Variants in ROBO1 observed in about 807,000 individuals in gnomAD.
ROBO1 encodes roundabout homolog 1.
Under a neutral mutation model 195.9 loss-of-function variants are expected in ROBO1, and 149 were observed. The observed-to-expected ratio is 0.76, with a 90% CI of 0.67 to 0.87. ROBO1 has a LOEUF of 0.87. Ranked by LOEUF, ROBO1 falls within the 40% of genes least tolerant of loss-of-function variation. ROBO1 has a pLI of 0.00. For missense variants in ROBO1, 1,933 were observed against 2,068.3 expected, an observed-to-expected ratio of 0.93 and a Z score of 1.27; for synonymous variants, 816 against 733.2, an observed-to-expected ratio of 1.11 and a Z score of -1.82.
At chr3:78,662,244 GA>G (rs11359455) in intron 14 of ROBO1, 130 bp from the exon 15 acceptor site, 207,421 of 422,978 alleles carry the variant, frequency 0.49, 28,838 homozygotes, top group Admixed American at 0.61. Context: ...CTGTGATTCG[GA>G]AAAAAAAAAA....
chr3:78,714,347 T>C, intron 8 of ROBO1, 50 bp downstream of exon 8: 2 of 1,577,768 alleles, frequency 1.3e-6, no homozygotes, highest in Non-Finnish European at 1.7e-6. Flanking sequence ...TTATCAGCAC[T>C]ATATTTTGTA....
chr3:79,428,867 A>G (rs2038560994), intron 2 of ROBO1, among the ~76,000 whole-genome samples: 1 of 152,126 alleles, frequency 6.6e-6, no homozygotes, highest in African/African-American at 2.4e-5. Flanking sequence ...AAAAAAAATC[A>G]GAAAGAAAAA....
At chr3:79,537,608 A>G (rs976184584) in intron 2 of ROBO1, among the ~76,000 whole-genome samples, 2 of 152,082 alleles carry the variant, frequency 1.3e-5, no homozygotes, top group Non-Finnish European at 2.9e-5. Context: ...AGCTCGTCCA[A>G]TCCACGACCT....
chr3:78,938,369 A>G (rs1159589122), intron 4 of ROBO1: 4 of 449,580 alleles, frequency 8.9e-6, no homozygotes, highest in African/African-American at 7.9e-5. Flanking sequence ...AATCACTCCC[A>G]ATCAAAAGTC....
At chr3:78,776,615 T>G (rs1340776194) in intron 4 of ROBO1, among the ~76,000 whole-genome samples, 1 of 152,316 alleles carries the variant, frequency 6.6e-6, no homozygotes, top group East Asian at 1.9e-4. Flanking sequence ...ATTCCATAAA[T>G]AACAAATAAA....
chr3:78,699,082 C>T (rs921082406), intron 8 of ROBO1, among the ~76,000 whole-genome samples: 40 of 152,234 alleles, frequency 2.6e-4, no homozygotes, highest in African/African-American at 9.4e-4. Flanking sequence ...TGGAAATACA[C>T]AATCAACCAG....
At chr3:78,686,177 A>G (rs1057515109) in intron 9 of ROBO1, among the ~76,000 whole-genome samples, 16 of 152,124 alleles carry the variant, frequency 1.1e-4, no homozygotes, top group African/African-American at 3.9e-4. Context: ...TCTAACCTCA[A>G]ATAGGGTCAT....
chr3:79,263,671 A>C (rs2082981618), intron 2 of ROBO1, among the ~76,000 whole-genome samples: 1 of 151,700 alleles, frequency 6.6e-6, no homozygotes, highest in Non-Finnish European at 1.5e-5. Flanking sequence ...TACCAAAATA[A>C]ACTGAGGACT....
intron 2 of ROBO1, among the ~76,000 whole-genome samples, chr3:79,465,766 C>T (rs1160076812): frequency 1.3e-5 from 2 of 151,790 alleles, no homozygotes; most frequent in African/African-American, 2.4e-5. Context: ...TTTTCATGTA[C>T]GTAAATTTTC....
chr3:78,654,575 A>G (rs1473811387), intron 18 of ROBO1, among the ~76,000 whole-genome samples: 4 of 152,174 alleles, frequency 2.6e-5, no homozygotes, highest in African/African-American at 9.7e-5. Flanking sequence ...GATAATATGG[A>G]AACAGCCAAG....
intron 4 of ROBO1, among the ~76,000 whole-genome samples, chr3:78,762,820 T>G (rs540331902): frequency 6.6e-6 from 1 of 152,208 alleles, no homozygotes; most frequent in African/African-American, 2.4e-5. Context: ...AAAATGATAT[T>G]ATTTCTCTTT....
chr3:79,310,577 G>A (rs1056402765), intron 2 of ROBO1, among the ~76,000 whole-genome samples: 2 of 152,014 alleles, frequency 1.3e-5, no homozygotes, highest in African/African-American at 4.8e-5. Context: ...CTGTAAGTAG[G>A]GTGGTTATAG....
intron 2 of ROBO1, among the ~76,000 whole-genome samples, chr3:79,414,005 C>G (rs1470643409): frequency 6.6e-6 from 1 of 152,102 alleles, no homozygotes. Context: ...AGTCTGTCGA[C>G]CTTTTTATTT....
chr3:79,598,910 G>A (rs893130589), intron 1 of ROBO1, among the ~76,000 whole-genome samples: 2 of 152,058 alleles, frequency 1.3e-5, no homozygotes, highest in Non-Finnish European at 2.9e-5. Context: ...CAGAGGTCCT[G>A]AGCCTGTCCA....
chr3:79,019,784 C>G (rs1304379944), intron 3 of ROBO1, among the ~76,000 whole-genome samples: 1 of 152,106 alleles, frequency 6.6e-6, no homozygotes, highest in Non-Finnish European at 1.5e-5. Flanking sequence ...CCTGGTCCAA[C>G]TTAACCTCTT....
At chr3:78,941,568 G>C (rs2040143810) in intron 3 of ROBO1, among the ~76,000 whole-genome samples, 1 of 152,098 alleles carries the variant, frequency 6.6e-6, no homozygotes, top group Admixed American at 6.6e-5. Context: ...CTGTTATGAG[G>C]ATACAAAGAA....
At chr3:79,145,875 G>A (rs554585518) in intron 2 of ROBO1, among the ~76,000 whole-genome samples, 1 of 151,940 alleles carries the variant, frequency 6.6e-6, no homozygotes, top group Non-Finnish European at 1.5e-5. Context: ...TTCTTTGAGT[G>A]AAATAGATGG....
chr3:79,287,821 G>A (rs1342023009), intron 2 of ROBO1, among the ~76,000 whole-genome samples: 1 of 152,088 alleles, frequency 6.6e-6, no homozygotes, highest in Non-Finnish European at 1.5e-5. Flanking sequence ...TTTCCATTTT[G>A]TTGAATGGGT....
At chr3:78,869,335 T>G (rs2035396989) in intron 4 of ROBO1, among the ~76,000 whole-genome samples, 2 of 152,218 alleles carry the variant, frequency 1.3e-5, no homozygotes, top group African/African-American at 4.8e-5. Context: ...ATTTTATATT[T>G]GCTTTCTACC....
Sources: allele counts gnomAD v4.1 joint callset (sites outside exome capture counted in the v4.1 genomes callset), GRCh38; gene constraint gnomAD v4.1.1; transcripts MANE v1.5; gene names NCBI Gene and HGNC (gene_info 2026-07-23, HGNC 2026-07-21).